GRM7: variants seen among roughly 807,000 people sequenced by gnomAD.
The protein encoded by GRM7 is glutamate metabotropic receptor 7.
Under a neutral mutation model 84.5 loss-of-function variants are expected in GRM7, and 35 were observed. The ratio of observed to expected loss-of-function variants is 0.41; its 90% CI spans 0.32 to 0.55. The LOEUF is 0.55. Among genes scored for constraint, GRM7 ranks in the 20% least tolerant of loss-of-function variants. GRM7 has a pLI of 0.19. For synonymous variants in GRM7, 487 were observed against 455.1 expected (o/e 1.07, Z -0.89); for missense variants, 1,003 against 1,194.6 (o/e 0.84, Z 2.36).
intron 1 of GRM7, among the ~76,000 whole-genome samples, chr3:6,971,974 A>G (rs575220570): frequency 6.6e-6 from 1 of 152,266 alleles, no homozygotes; most frequent in South Asian, 2.1e-4. Context: ...AGAAATAATA[A>G]TAGCAAATAA....
intron 1 of GRM7, among the ~76,000 whole-genome samples, chr3:6,940,386 G>T (rs996009847): frequency 6.6e-6 from 1 of 152,032 alleles, no homozygotes; most frequent in East Asian, 1.9e-4. Flanking sequence ...CACTGCGCCC[G>T]GCCCGTTTTT....
intron 1 of GRM7, among the ~76,000 whole-genome samples, chr3:6,878,628 G>T (rs1470037455): frequency 5.3e-5 from 8 of 152,016 alleles, no homozygotes; most frequent in Admixed American, 4.6e-4. Context: ...AATACATCAC[G>T]CACTAATAAA....
chr3:7,223,590 T>G (rs574505827), intron 2 of GRM7, among the ~76,000 whole-genome samples: 1 of 152,296 alleles, frequency 6.6e-6, no homozygotes, highest in East Asian at 1.9e-4. Flanking sequence ...ATAGAAATGT[T>G]TTATATTTTA....
intron 1 of GRM7, among the ~76,000 whole-genome samples, chr3:6,986,928 T>C (rs57664844): frequency 0.039 from 5,950 of 152,290 alleles, 382 homozygotes; most frequent in African/African-American, 0.14. Flanking sequence ...AGCATGTAAA[T>C]GCTAAAGGAA....
chr3:7,129,025 T>C (rs1693501055), intron 1 of GRM7, among the ~76,000 whole-genome samples: 1 of 152,168 alleles, frequency 6.6e-6, no homozygotes, highest in African/African-American at 2.4e-5. Flanking sequence ...TTGAACGTGT[T>C]TAGTGCACAT....
intron 9 of GRM7, chr3:7,693,838 A>C: frequency 1.8e-6 from 1 of 545,306 alleles, no homozygotes; most frequent in South Asian, 2.8e-5. Context: ...CATCCTCTTA[A>C]AAGTCCAACA....
intron 9 of GRM7, among the ~76,000 whole-genome samples, chr3:7,719,466 T>C (rs985464034): frequency 6.6e-6 from 1 of 152,072 alleles, no homozygotes; most frequent in Admixed American, 6.6e-5. Flanking sequence ...ACCTCTCTAG[T>C]AAGGAATAGC....
intron 2 of GRM7, among the ~76,000 whole-genome samples, chr3:7,207,475 C>T (rs1339213191): frequency 6.6e-6 from 1 of 152,134 alleles, no homozygotes; most frequent in Non-Finnish European, 1.5e-5. Context: ...CTATTCTTCC[C>T]ATCACCTTAT....
intron 9 of GRM7, among the ~76,000 whole-genome samples, chr3:7,732,901 G>C (rs1006358404): frequency 6.6e-6 from 1 of 152,196 alleles, no homozygotes; most frequent in Non-Finnish European, 1.5e-5. Context: ...AAGGGCCGCT[G>C]GTTGCCCATT....
chr3:7,070,683 T>C (rs1469659468), intron 1 of GRM7, among the ~76,000 whole-genome samples: 1 of 152,102 alleles, frequency 6.6e-6, no homozygotes, highest in African/African-American at 2.4e-5. Flanking sequence ...GAATTTGTAC[T>C]GTGAGAGAGT....
chr3:7,004,515 A>G (rs906090638), intron 1 of GRM7, among the ~76,000 whole-genome samples: 4 of 152,196 alleles, frequency 2.6e-5, no homozygotes, highest in Admixed American at 2.0e-4. Context: ...TTAAGAACTC[A>G]TCTTATGCTT....
At chr3:7,699,339 T>C (rs1364826132) in intron 9 of GRM7, among the ~76,000 whole-genome samples, 1 of 152,144 alleles carries the variant, frequency 6.6e-6, no homozygotes, top group African/African-American at 2.4e-5. Context: ...TACTAGACAG[T>C]TGGTGACAAT....
intron 1 of GRM7, among the ~76,000 whole-genome samples, chr3:6,945,913 T>C (rs899935700): frequency 6.6e-6 from 1 of 152,180 alleles, no homozygotes; most frequent in Non-Finnish European, 1.5e-5. Flanking sequence ...TGGGGTTGTT[T>C]TTTTCTTGTA....
chr3:7,306,757 G>A (rs1326131831), intron 4 of GRM7, 105 bp downstream of exon 4: 1 of 934,208 alleles, frequency 1.1e-6, no homozygotes, highest in African/African-American at 1.7e-5. Flanking sequence ...CCAAACTCAT[G>A]TGGGGTTGTT....
At chr3:7,279,983 A>C (rs913579724) in intron 2 of GRM7, among the ~76,000 whole-genome samples, 2 of 152,134 alleles carry the variant, frequency 1.3e-5, no homozygotes, top group Non-Finnish European at 2.9e-5. Flanking sequence ...GGGTGTCAGG[A>C]AGGGAGACTG....
At chr3:7,699,437 G>C (rs892145333) in intron 9 of GRM7, among the ~76,000 whole-genome samples, 1 of 152,026 alleles carries the variant, frequency 6.6e-6, no homozygotes, top group African/African-American at 2.4e-5. Flanking sequence ...CTTATAATCA[G>C]GAAAGGAAAA....
intron 1 of GRM7, among the ~76,000 whole-genome samples, chr3:7,069,900 A>T (rs1697799199): frequency 6.6e-6 from 1 of 152,112 alleles, no homozygotes. Context: ...CTTTACACTC[A>T]TCCCAGTCAA....
At chr3:7,352,580 G>A (rs1308710499) in intron 4 of GRM7, among the ~76,000 whole-genome samples, 4 of 152,092 alleles carry the variant, frequency 2.6e-5, no homozygotes, top group Non-Finnish European at 4.4e-5. Context: ...ATAAGGAAAG[G>A]TGAACTCTTA....
At position 7,491,575 on chromosome 3, in the gene GRM7, A is replaced by T. The variant is rs755231029; in HGVS notation, c.1515+29853A>T. Among the ~76,000 whole-genome samples, 76 of 152,196 alleles carry T rather than the reference A, an allele frequency of 5.0e-4. 1 individual carries two copies. Among genetic ancestry groups the T allele is most frequent in the Non-Finnish European group, 5.1e-4 (35 of 68,026 alleles). On this transcript the variant is annotated intron_variant, in intron 7 of 9. Coordinates refer to ENST00000357716, the MANE Select transcript of GRM7 (RefSeq NM_000844.4). Reference sequence around the variant, plus strand: ...GGGACTTTGCTTCCGCCTCTCATTGACAAGGTGAGGGAGGTGGGCCTCTTA... The same window carrying T: ...GGGACTTTGCTTCCGCCTCTCATTGTCAAGGTGAGGGAGGTGGGCCTCTTA...
Sources: gnomAD v4.1 joint callset for allele counts (sites outside exome capture counted in the v4.1 genomes callset) on GRCh38, gnomAD v4.1.1 for gene constraint, MANE v1.5 for transcripts, NCBI Gene and HGNC (gene_info 2026-07-23, HGNC 2026-07-21) for gene names.